AMY2B: variants seen among roughly 807,000 people sequenced by gnomAD.
The protein encoded by AMY2B is alpha-amylase 2B.
A neutral mutation model predicts 59.3 loss-of-function variants in AMY2B; 63 were observed. The observed-to-expected ratio is 1.06, with a 90% CI of 0.87 to 1.31. The LOEUF (loss-of-function observed/expected upper bound fraction) is 1.31, where lower values mean the gene tolerates loss of function less well. AMY2B is among the 50% of genes most tolerant of loss of function. The pLI is 0.00. For synonymous variants in AMY2B, 180 were observed against 198.1 expected, an observed-to-expected ratio of 0.91 and a Z score of 0.77; for missense variants, 635 against 626.7, an observed-to-expected ratio of 1.01 and a Z score of -0.14.
At chr1:103,559,832 G>T (rs1170675230) in intron 1 of AMY2B, among the ~76,000 whole-genome samples, 2 of 151,948 alleles carry the variant, frequency 1.3e-5, no homozygotes, top group African/African-American at 4.8e-5. Context: ...ATAATATATT[G>T]CTACTAGAGA....
intron 2 of AMY2B, among the ~76,000 whole-genome samples, chr1:103,572,678 G>C (rs1652182700): frequency 1.3e-5 from 2 of 152,200 alleles, no homozygotes; most frequent in Admixed American, 6.6e-5. Context: ...GAGACTAATA[G>C]CTCCCTTATT....
intron 1 of AMY2B, among the ~76,000 whole-genome samples, chr1:103,561,136 A>G (rs1651720835): frequency 1.3e-5 from 2 of 152,200 alleles, no homozygotes; most frequent in Non-Finnish European, 1.5e-5. Context: ...TTTATCAACA[A>G]TATCTTCATT....
In AMY2B at chr1:103,571,787, G is replaced by C. The variant is rs750504369; in HGVS notation, c.168+17G>C. The C allele has an allele frequency of 1.9e-6, 3 of 1,611,916 alleles. No homozygotes were observed. The East Asian group carries it at 6.7e-5, about 36-fold the overall frequency. On this transcript the variant is annotated intron_variant, in intron 1 of 9. Coordinates refer to ENST00000684275, the MANE Select transcript of AMY2B (RefSeq NM_001387437.1). ...GGGGTTCAGGTGGGTATGATTCATA[G>C]TATCAATTGCAGAATTCACTATGCT...
chr1:103,577,503 G>A lies in AMY2B; in HGVS notation c.1115G>A (p.Trp372Ter), dbSNP rs761960151. ...QFQNGNDVND[W>*]VGPPNNNGVI... ...CCCCTAATTAAGGATGTTAATGATT[G>A]GGTTGGGCCACCAAATAATAATGGA... Residue 372 changes from tryptophan (W) to a stop codon, truncating the protein, a stop_gained, in exon 8 of 10, where the codon TGG becomes TAG. Transcript: ENST00000684275. LOFTEE classifies it high-confidence loss of function. The A allele has an allele frequency of 2.5e-6, 4 of 1,611,848 alleles. No individual in the cohort carries two copies. The highest frequency in any genetic ancestry group is 4.5e-5 in the East Asian group (2 of 44,844).
At chr1:103,578,990 T>C (rs1315097915) in intron 9 of AMY2B, among the ~76,000 whole-genome samples, 1 of 152,152 alleles carries the variant, frequency 6.6e-6, no homozygotes, top group Non-Finnish European at 1.5e-5. Flanking sequence ...TTGTATTAAG[T>C]TCAGTTGAGA....
intron 9 of AMY2B, 145 bp from the exon 10 acceptor site, chr1:103,579,166 A>C (rs976480810): frequency 8.2e-5 from 123 of 1,508,004 alleles, no homozygotes; most frequent in Non-Finnish European, 9.9e-5. Context: ...GCTATTTACA[A>C]CTACTAGGGA....
chr1:103,577,877 G>C lies in AMY2B; in HGVS notation c.1346+32G>C, dbSNP rs769218700. 1.6e-5 allele frequency: 25 copies of C among 1,597,052 alleles called. No homozygotes were observed. In the Admixed American group the frequency reaches 4.0e-4, roughly 26 times the overall value. On this transcript the variant is annotated intron_variant, in intron 9 of 9. Transcript: ENST00000684275. ...ACATATCAATTAAAAATAATATTTT[G>C]TACCTGTATGCTCTTGGTTTATTCC...
At chr1:103,572,025 A>T in intron 1 of AMY2B, 85 bp from the exon 2 acceptor site, 1 of 1,590,374 alleles carries the variant, frequency 6.3e-7, no homozygotes, top group Non-Finnish European at 8.5e-7. Context: ...AGATTCAAGA[A>T]TTTTTTATAT....
chr1:103,556,084 G>A (rs1256194456), intron 1 of AMY2B, among the ~76,000 whole-genome samples: 1 of 152,100 alleles, frequency 6.6e-6, no homozygotes, highest in Non-Finnish European at 1.5e-5. Flanking sequence ...AGAGAAATAG[G>A]AAACAAGGTC....
chr1:103,575,159 G>A, intron 5 of AMY2B, 64 bp from the exon 6 acceptor site: 1 of 1,607,762 alleles, frequency 6.2e-7, no homozygotes, highest in South Asian at 1.1e-5. Context: ...GAGATGCACA[G>A]TTAAGTTACT....
At chr1:103,561,819 G>A (rs1651743444) in intron 1 of AMY2B, 1 of 152,044 alleles carries the variant, frequency 6.6e-6, no homozygotes, top group African/African-American at 2.4e-5. Context: ...AGAAGACAGT[G>A]GTTTGCTTAG....
At chr1:103,556,950 A>C (rs1651571279) in intron 1 of AMY2B, among the ~76,000 whole-genome samples, 1 of 152,100 alleles carries the variant, frequency 6.6e-6, no homozygotes, top group African/African-American at 2.4e-5. Flanking sequence ...TAATGACCTC[A>C]GTAGGATTAT....
intron 7 of AMY2B, among the ~76,000 whole-genome samples, chr1:103,576,358 A>C (rs1320492330): frequency 6.6e-6 from 1 of 152,182 alleles, no homozygotes; most frequent in Non-Finnish European, 1.5e-5. Flanking sequence ...AAACAGCTTT[A>C]ATATTTAGGT....
upstream of AMY2B, chr1:103,570,376 A>T: frequency 1.2e-6 from 1 of 819,420 alleles, no homozygotes; most frequent in Admixed American, 1.8e-5. Flanking sequence ...GCATCCACCC[A>T]GACCATCTTC....
intron 2 of AMY2B, among the ~76,000 whole-genome samples, chr1:103,572,526 C>T (rs1160658571): frequency 6.6e-6 from 1 of 152,104 alleles, no homozygotes; most frequent in Non-Finnish European, 1.5e-5. Context: ...TCTATATTTC[C>T]TGGAAAGAGT....
intron 9 of AMY2B, among the ~76,000 whole-genome samples, chr1:103,578,420 T>C (rs1199426718): frequency 6.6e-6 from 1 of 152,192 alleles, no homozygotes; most frequent in Non-Finnish European, 1.5e-5. Flanking sequence ...TTCTCATTAT[T>C]GGCCTTTCAT....
At chr1:103,575,699 G>C in intron 7 of AMY2B, 159 bp downstream of exon 7, 1 of 1,030,046 alleles carries the variant, frequency 9.7e-7, no homozygotes, top group Non-Finnish European at 1.4e-6. Flanking sequence ...TATTAAAGGA[G>C]TAAAATATAT....
At chr1:103,557,618 A>G (rs866258203) in intron 1 of AMY2B, among the ~76,000 whole-genome samples, 4 of 151,746 alleles carry the variant, frequency 2.6e-5, no homozygotes, top group Middle Eastern at 3.4e-3. Context: ...GGGCCACTGC[A>G]CTCCAGCTTC....
At chr1:103,574,483 T>G in intron 5 of AMY2B, 90 bp downstream of exon 5, 1 of 1,598,160 alleles carries the variant, frequency 6.3e-7, no homozygotes, top group East Asian at 2.2e-5. Context: ...ACATTCTTTT[T>G]CAGACAACTA....
Sources: allele counts gnomAD v4.1 joint callset (sites outside exome capture counted in the v4.1 genomes callset), GRCh38; gene constraint gnomAD v4.1.1; transcripts MANE v1.5; gene names NCBI Gene and HGNC (gene_info 2026-07-23, HGNC 2026-07-21).